MAGI2: variants seen among roughly 807,000 people sequenced by gnomAD.
MAGI2 encodes membrane associated guanylate kinase, WW and PDZ domain containing 2.
In MAGI2, 35 loss-of-function variants were observed where a neutral mutation model predicts 133.3. The ratio of observed to expected loss-of-function variants is 0.26; its 90% CI spans 0.20 to 0.35. MAGI2 has a LOEUF of 0.35. Ranked by LOEUF, MAGI2 falls within the 10% of genes least tolerant of loss-of-function variation. MAGI2 has a pLI of 1.00. For synonymous variants in MAGI2, 729 were observed against 710.6 expected (o/e 1.03, Z -0.41); for missense variants, 1,636 against 1,863.4 (o/e 0.88, Z 2.25).
chr7:78,255,829 T>C (rs1458701667), intron 10 of MAGI2, 114 bp downstream of exon 10: 4 of 1,124,528 alleles, frequency 3.6e-6, no homozygotes, highest in Admixed American at 2.2e-5. Flanking sequence ...TTAAGCTTTA[T>C]TTTTTAAAGT....
chr7:78,077,725 G>GCTTTT (rs1815491441), intron 21 of MAGI2, among the ~76,000 whole-genome samples: 1 of 101,254 alleles, frequency 9.9e-6, no homozygotes, highest in Non-Finnish European at 1.9e-5. Flanking sequence ...TCTTTAGAAT[G>GCTTTT]TTTTTTTTTT....
intron 2 of MAGI2, among the ~76,000 whole-genome samples, chr7:78,823,836 T>C (rs1790380678): frequency 6.6e-6 from 1 of 152,136 alleles, no homozygotes; most frequent in Admixed American, 6.6e-5. Context: ...TTTCCAAATA[T>C]TCATTGATGT....
intron 20 of MAGI2, among the ~76,000 whole-genome samples, chr7:78,118,679 C>A (rs1820122952): frequency 6.6e-6 from 1 of 152,104 alleles, no homozygotes; most frequent in African/African-American, 2.4e-5. Context: ...CAGAATGGCC[C>A]AAATCCATAA....
At chr7:78,385,068 A>G (rs1795258372) in intron 6 of MAGI2, among the ~76,000 whole-genome samples, 1 of 152,230 alleles carries the variant, frequency 6.6e-6, no homozygotes, top group Non-Finnish European at 1.5e-5. Flanking sequence ...ATAGATAAGC[A>G]AGCTGGGCAC....
chr7:78,612,087 C>T (rs1050128956), intron 3 of MAGI2, among the ~76,000 whole-genome samples: 1 of 152,112 alleles, frequency 6.6e-6, no homozygotes, highest in Non-Finnish European at 1.5e-5. Flanking sequence ...ACAATTTCTA[C>T]CTCTACTATT....
chr7:78,124,062 T>C (rs1009695560), intron 20 of MAGI2, among the ~76,000 whole-genome samples: 4 of 152,236 alleles, frequency 2.6e-5, no homozygotes, highest in Non-Finnish European at 5.9e-5. Context: ...TGAAAATACA[T>C]GGCCACTGTT....
chr7:78,881,346 A>T (rs932652097), intron 2 of MAGI2, among the ~76,000 whole-genome samples: 4 of 151,802 alleles, frequency 2.6e-5, no homozygotes, highest in African/African-American at 7.3e-5. Flanking sequence ...AATAAATTTT[A>T]AAAAATCGAC....
At chr7:78,935,676 A>T (rs1352086898) in intron 2 of MAGI2, among the ~76,000 whole-genome samples, 1 of 152,082 alleles carries the variant, frequency 6.6e-6, no homozygotes, top group African/African-American at 2.4e-5. Flanking sequence ...CAACTAGATT[A>T]TTCATGGGAT....
chr7:78,561,395 T>G (rs1800388550), intron 3 of MAGI2, among the ~76,000 whole-genome samples: 1 of 152,184 alleles, frequency 6.6e-6, no homozygotes, highest in Non-Finnish European at 1.5e-5. Context: ...AAATATAGGT[T>G]AGCATGAAAG....
At chr7:79,111,277 C>G (rs926842961) in intron 1 of MAGI2, among the ~76,000 whole-genome samples, 1 of 152,060 alleles carries the variant, frequency 6.6e-6, no homozygotes, top group East Asian at 1.9e-4. Flanking sequence ...TGATTTGAAA[C>G]GTTGTACTCA....
intron 1 of MAGI2, among the ~76,000 whole-genome samples, chr7:79,144,462 C>A (rs1476029756): frequency 1.3e-5 from 2 of 152,178 alleles, no homozygotes; most frequent in African/African-American, 2.4e-5. Flanking sequence ...CCAGGTAAGA[C>A]AAGACATGTC....
intron 2 of MAGI2, among the ~76,000 whole-genome samples, chr7:78,899,397 A>G (rs1160495258): frequency 6.6e-6 from 1 of 152,176 alleles, no homozygotes; most frequent in Non-Finnish European, 1.5e-5. Flanking sequence ...AGATACCGAC[A>G]GGATCCCAAC....
intron 6 of MAGI2, among the ~76,000 whole-genome samples, chr7:78,424,794 C>G (rs1400196257): frequency 1.3e-5 from 2 of 152,144 alleles, no homozygotes; most frequent in African/African-American, 4.8e-5. Context: ...TTTGTTTTGT[C>G]CAATTTCTCC....
At chr7:78,403,001 CT>C (rs913422596) in intron 6 of MAGI2, among the ~76,000 whole-genome samples, 1 of 151,796 alleles carries the variant, frequency 6.6e-6, no homozygotes, top group Non-Finnish European at 1.5e-5. Context: ...ATCAAATTAA[CT>C]TTTTTTTTAA....
intron 7 of MAGI2, among the ~76,000 whole-genome samples, chr7:78,349,912 C>T (rs1791320710): frequency 6.6e-6 from 1 of 152,178 alleles, no homozygotes; most frequent in South Asian, 2.1e-4. Context: ...TGCCATCCTT[C>T]TCATTGTTTA....
chr7:79,448,299 CA>C (rs1211629420), intron 1 of MAGI2, among the ~76,000 whole-genome samples: 5 of 151,624 alleles, frequency 3.3e-5, no homozygotes, highest in Non-Finnish European at 1.5e-5. Context: ...TTTCATTCTG[CA>C]AAAAAACCTT....
intron 1 of MAGI2, among the ~76,000 whole-genome samples, chr7:79,250,030 CA>C (rs1833114971): frequency 6.6e-6 from 1 of 151,922 alleles, no homozygotes; most frequent in African/African-American, 2.4e-5. Flanking sequence ...CACTGAAGGA[CA>C]AAAACCATAT....
At chr7:78,824,783 C>T (rs1790474583) in intron 2 of MAGI2, among the ~76,000 whole-genome samples, 2 of 152,138 alleles carry the variant, frequency 1.3e-5, no homozygotes, top group African/African-American at 4.8e-5. Context: ...TTATTTGCAG[C>T]ACTATTTACA....
At chr7:78,106,496 T>C (rs966439588) in intron 20 of MAGI2, among the ~76,000 whole-genome samples, 4 of 152,126 alleles carry the variant, frequency 2.6e-5, no homozygotes, top group African/African-American at 9.7e-5. Context: ...CGTTCCCCTA[T>C]CTCCCCATCC....
Sources: gnomAD v4.1 joint callset for allele counts (sites outside exome capture counted in the v4.1 genomes callset) on GRCh38, gnomAD v4.1.1 for gene constraint, MANE v1.5 for transcripts, NCBI Gene and HGNC (gene_info 2026-07-23, HGNC 2026-07-21) for gene names.